ROBO1: variants seen among roughly 807,000 people sequenced by gnomAD.
The protein encoded by ROBO1 is roundabout guidance receptor 1.
Under a neutral mutation model 195.9 loss-of-function variants are expected in ROBO1, and 149 were observed. That is an observed-to-expected ratio of 0.76 (90% confidence interval 0.67 to 0.87). The LOEUF (loss-of-function observed/expected upper bound fraction) is 0.87, where lower values mean the gene tolerates loss of function less well. Among genes scored for constraint, ROBO1 ranks in the 40% least tolerant of loss-of-function variants. The probability of loss-of-function intolerance (pLI) is 0.00; values close to 1 mark genes in which losing one functional copy is unlikely to be tolerated. For synonymous variants in ROBO1, 816 were observed against 733.2 expected, an observed-to-expected ratio of 1.11 and a Z score of -1.82; for missense variants, 1,933 against 2,068.3, an observed-to-expected ratio of 0.93 and a Z score of 1.27.
rs112134820 is a variant in ROBO1, at chr3:78,873,785, G to A, written c.499+64816C>T. Among the ~76,000 whole-genome samples the A allele has an allele frequency of 8.7e-3, 1,329 of 152,090 alleles. 24 individuals carry two copies. Among genetic ancestry groups the A allele is most frequent in the African/African-American group, 0.028 (1,144 of 41,532 alleles). On this transcript the variant is annotated intron_variant, in intron 4 of 30. Transcript: ENST00000464233. ...TCTGTGTTCATCTGTTTCTTTTCAC[G>A]TGACTTTTATTTGGGCCATAACTTT...
At chr3:79,067,004 A>G (rs1446356216) in intron 3 of ROBO1, among the ~76,000 whole-genome samples, 1 of 151,956 alleles carries the variant, frequency 6.6e-6, no homozygotes, top group East Asian at 1.9e-4. Context: ...AAATGCATAA[A>G]AGGCTTCTAG....
intron 2 of ROBO1, among the ~76,000 whole-genome samples, chr3:79,391,673 G>A (rs1434771217): frequency 1.3e-5 from 2 of 151,970 alleles, no homozygotes; most frequent in African/African-American, 4.8e-5. Flanking sequence ...TTCAAGTTAT[G>A]CATTTTTATA....
At chr3:79,387,809 T>A (rs1204552517) in intron 2 of ROBO1, among the ~76,000 whole-genome samples, 3 of 152,206 alleles carry the variant, frequency 2.0e-5, no homozygotes, top group Admixed American at 2.0e-4. Flanking sequence ...AATAGCAATA[T>A]TATTCTGGTT....
chr3:79,058,707 C>T (rs199761755), intron 3 of ROBO1, among the ~76,000 whole-genome samples: 3 of 540 alleles, frequency 5.6e-3, no homozygotes, highest in South Asian at 0.5. Flanking sequence ...TGTATTAACT[C>T]CCTATTTTGA....
At chr3:79,551,846 C>T (rs1352998547) in intron 2 of ROBO1, among the ~76,000 whole-genome samples, 2 of 151,708 alleles carry the variant, frequency 1.3e-5, no homozygotes. Context: ...AAGGTAGAAT[C>T]ACCCCATTTT....
At chr3:79,351,986 T>C (rs1577011024) in intron 2 of ROBO1, among the ~76,000 whole-genome samples, 1 of 152,226 alleles carries the variant, frequency 6.6e-6, no homozygotes, top group Admixed American at 6.5e-5. Flanking sequence ...ACTGCCATTC[T>C]ACATAAGCAT....
chr3:79,380,363 T>C (rs947900131), intron 2 of ROBO1, among the ~76,000 whole-genome samples: 1 of 152,084 alleles, frequency 6.6e-6, no homozygotes, highest in Non-Finnish European at 1.5e-5. Flanking sequence ...AATTTGCAAA[T>C]GTATAAAATG....
intron 1 of ROBO1, among the ~76,000 whole-genome samples, chr3:79,678,408 C>A (rs1228131121): frequency 6.6e-6 from 1 of 151,870 alleles, no homozygotes; most frequent in Non-Finnish European, 1.5e-5. Context: ...AAGTAAGACT[C>A]CTTTTAGTCT....
chr3:78,842,226 T>A (rs1248620107), intron 4 of ROBO1, among the ~76,000 whole-genome samples: 13 of 133,700 alleles, frequency 9.7e-5, no homozygotes, highest in Middle Eastern at 3.8e-3. Context: ...ATGAGCCATA[T>A]ATATATTTAT....
At chr3:79,068,119 C>G (rs901541438) in intron 3 of ROBO1, among the ~76,000 whole-genome samples, 2 of 151,930 alleles carry the variant, frequency 1.3e-5, no homozygotes, top group Non-Finnish European at 2.9e-5. Context: ...CATGAACAAT[C>G]CCTGATACAT....
At chr3:78,913,206 C>T (rs553061555) in intron 4 of ROBO1, among the ~76,000 whole-genome samples, 107 of 152,190 alleles carry the variant, frequency 7.0e-4, no homozygotes, top group African/African-American at 2.3e-3. Flanking sequence ...AATTTATATA[C>T]TTGGCCAGCC....
intron 3 of ROBO1, among the ~76,000 whole-genome samples, chr3:79,097,720 A>C (rs543734227): frequency 1.1e-3 from 172 of 151,770 alleles, no homozygotes; most frequent in Non-Finnish European, 2.0e-3. Flanking sequence ...ATCATTAAGC[A>C]AGAATGTACC....
At chr3:79,224,779 T>C (rs1365328206) in intron 2 of ROBO1, among the ~76,000 whole-genome samples, 1 of 152,240 alleles carries the variant, frequency 6.6e-6, no homozygotes, top group Non-Finnish European at 1.5e-5. Context: ...CTAAGGTGTT[T>C]CATGTGCTGC....
intron 3 of ROBO1, among the ~76,000 whole-genome samples, chr3:78,952,207 G>A (rs1450931347): frequency 6.6e-6 from 1 of 151,304 alleles, no homozygotes; most frequent in Admixed American, 6.6e-5. Context: ...TCATATTAAT[G>A]TATCTTGCAG....
intron 5 of ROBO1, among the ~76,000 whole-genome samples, chr3:78,739,785 A>T (rs1576059107): frequency 6.6e-6 from 1 of 152,160 alleles, no homozygotes; most frequent in South Asian, 2.1e-4. Flanking sequence ...CGGTTTCAAG[A>T]CCACCACAAC....
chr3:79,365,825 A>G (rs1192847892), intron 2 of ROBO1, among the ~76,000 whole-genome samples: 1 of 148,882 alleles, frequency 6.7e-6, no homozygotes, highest in Non-Finnish European at 1.5e-5. Context: ...TGAACCCAGG[A>G]GGCGGAGCTT....
chr3:78,875,632 G>T lies in ROBO1; in HGVS notation c.499+62969C>A, dbSNP rs2035796344. Reference sequence around the variant, plus strand: ...CAGTCCAAAAAAGACTGAAGAGAGGGTATGTTGCCAACTGAAAACTATCAG... The same window carrying T: ...CAGTCCAAAAAAGACTGAAGAGAGGTTATGTTGCCAACTGAAAACTATCAG... On this transcript the variant is annotated intron_variant, in intron 4 of 30. Transcript: ENST00000464233. 3.9e-5 allele frequency among the ~76,000 whole-genome samples: 6 copies of T among 152,132 alleles called. No individual in the cohort carries two copies. In the South Asian group the frequency reaches 1.2e-3, roughly 32 times the overall value.
At chr3:79,613,187 A>T (rs1576117673) in intron 1 of ROBO1, among the ~76,000 whole-genome samples, 1 of 151,998 alleles carries the variant, frequency 6.6e-6, no homozygotes, top group Admixed American at 6.6e-5. Context: ...TAGTTTTTTC[A>T]TTTAGCTACA....
intron 4 of ROBO1, among the ~76,000 whole-genome samples, chr3:78,927,807 C>T (rs1031902203): frequency 3.3e-5 from 5 of 151,976 alleles, no homozygotes; most frequent in Non-Finnish European, 7.4e-5. Flanking sequence ...GATGACTAAC[C>T]CAGGAGAAAG....
Sources: gnomAD v4.1 joint callset for allele counts (sites outside exome capture counted in the v4.1 genomes callset) on GRCh38, gnomAD v4.1.1 for gene constraint, MANE v1.5 for transcripts, NCBI Gene and HGNC (gene_info 2026-07-23, HGNC 2026-07-21) for gene names.